ANKRD62: variants seen among roughly 807,000 people sequenced by gnomAD.
The protein encoded by ANKRD62 is ankyrin repeat domain-containing protein 62.
Under a neutral mutation model 98.8 loss-of-function variants are expected in ANKRD62, and 61 were observed. The ratio of observed to expected loss-of-function variants is 0.62; its 90% CI spans 0.50 to 0.76. The LOEUF is 0.76. ANKRD62 is among the 30% of genes least tolerant of loss of function. The pLI is 0.00. For synonymous variants in ANKRD62, 341 were observed against 367.9 expected (o/e 0.93, Z 0.84); for missense variants, 933 against 1,082.9 (o/e 0.86, Z 1.94).
At chr18:12,118,156 C>A (rs185202235) in intron 10 of ANKRD62, among the ~76,000 whole-genome samples, 1 of 152,134 alleles carries the variant, frequency 6.6e-6, no homozygotes. Flanking sequence ...GACATGTATG[C>A]GTGTCATATA....
At chr18:12,173,089 A>G in the ANKRD62 span, among the ~76,000 whole-genome samples, 1 of 151,706 alleles carries the variant, frequency 6.6e-6, no homozygotes, top group South Asian at 2.1e-4. Flanking sequence ...GCTTTGGTTC[A>G]TGCTCCATGG....
At chr18:12,102,056 G>A (rs1909310751) in intron 6 of ANKRD62, 2 of 1,403,620 alleles carry the variant, frequency 1.4e-6, no homozygotes, top group Non-Finnish European at 2.0e-6. Flanking sequence ...AAATAGCAAA[G>A]CCCAGCAAAG....
intron 9 of ANKRD62, 24 bp from the exon 10 acceptor site, chr18:12,115,369 G>T: frequency 6.6e-7 from 1 of 1,512,878 alleles, no homozygotes; most frequent in Non-Finnish European, 8.8e-7. Flanking sequence ...AGGGCATTTT[G>T]AAACAGTGTT....
Position 12,115,553 on chromosome 18 carries a change from T to C in ANKRD62, c.1240+19T>C. ...TGTAAAGGTAGGACCAATGCATAAA[T>C]ATAAGGCTCTTTCCCTATCCTATAG... On this transcript the variant is annotated intron_variant, in intron 10 of 13. Transcript: ENST00000587848. 1 of 1,527,452 alleles carries C rather than the reference T, an allele frequency of 6.5e-7. No homozygotes were observed. The highest frequency in any genetic ancestry group is 8.8e-7 in the Non-Finnish European group (1 of 1,140,748). The allele number at this position is 1,527,452 out of a possible 1,614,324, so 94.6% of individuals were successfully genotyped here. A position where few individuals can be genotyped will look rare whatever the true frequency, so the allele number is the denominator to read the frequency against.
the ANKRD62 span, among the ~76,000 whole-genome samples, chr18:12,139,182 C>T: frequency 1.1e-3 from 168 of 152,220 alleles, no homozygotes; most frequent in African/African-American, 3.5e-3. Context: ...TGGCTGGTAC[C>T]GGTTGTTCCT....
the ANKRD62 span, among the ~76,000 whole-genome samples, chr18:12,167,660 A>G: frequency 6.6e-6 from 1 of 152,168 alleles, no homozygotes; most frequent in African/African-American, 2.4e-5. Flanking sequence ...CAGTAATAGG[A>G]TCACTAGGTC....
intron 11 of ANKRD62, among the ~76,000 whole-genome samples, chr18:12,122,884 G>A (rs1387128691): frequency 6.6e-6 from 1 of 152,074 alleles, no homozygotes; most frequent in African/African-American, 2.4e-5. Flanking sequence ...TTTCAAAATA[G>A]AGCTATCTGG....
chr18:12,122,418 T>C lies in ANKRD62; in HGVS notation c.1356T>C (p.Asn452=), dbSNP rs1479363930. The C allele has an allele frequency of 2.0e-6, 3 of 1,535,472 alleles. No homozygotes were observed. Among genetic ancestry groups the C allele is most frequent in the Admixed American group, 2.0e-5 (1 of 50,972 alleles). Residue 452 remains asparagine (N), a synonymous_variant, in exon 11 of 14, where the codon AAT becomes AAC. Coordinates refer to ENST00000587848, the MANE Select transcript of ANKRD62 (RefSeq NM_001277333.2). ...TAAAATTTCAAAAAATGAAAAATAA[T>C]ATTAGCGTACTACAAAAGGTACTAT... is the stretch of plus-strand genomic sequence containing the variant. ...LKVKFQKMKN[N]ISVLQKVLSE...
At chr18:12,103,854 C>G (rs1006785239) in intron 7 of ANKRD62, among the ~76,000 whole-genome samples, 1 of 152,066 alleles carries the variant, frequency 6.6e-6, no homozygotes, top group Non-Finnish European at 1.5e-5. Flanking sequence ...AATCAACTGT[C>G]ATTTGTGGAC....
chr18:12,113,966 A>G (rs543557355), intron 8 of ANKRD62, among the ~76,000 whole-genome samples: 2 of 152,356 alleles, frequency 1.3e-5, no homozygotes, highest in East Asian at 3.9e-4. Flanking sequence ...GCCATAAAAA[A>G]TGAGATCATG....
the ANKRD62 span, among the ~76,000 whole-genome samples, chr18:12,145,778 A>G: frequency 6.6e-6 from 1 of 151,692 alleles, no homozygotes; most frequent in South Asian, 2.1e-4. Flanking sequence ...AACCTGCGGC[A>G]GAAGTGTTCC....
the ANKRD62 span, among the ~76,000 whole-genome samples, chr18:12,145,447 A>G: frequency 1.3e-5 from 2 of 152,336 alleles, no homozygotes; most frequent in African/African-American, 2.4e-5. Flanking sequence ...AAAATAGTCA[A>G]CGAGGGGCTG....
the ANKRD62 span, among the ~76,000 whole-genome samples, chr18:12,136,962 G>A: frequency 6.6e-6 from 1 of 152,110 alleles, no homozygotes; most frequent in Non-Finnish European, 1.5e-5. Flanking sequence ...AGATGATGGG[G>A]TTTTCTAGAT....
Position 12,125,970 on chromosome 18 carries a change from G to A in ANKRD62, c.2149G>A (p.Glu717Lys), listed in dbSNP as rs1416407429. The A allele has an allele frequency of 6.5e-7, 1 of 1,537,416 alleles. No homozygotes were observed. The highest frequency in any genetic ancestry group is 2.0e-5 in the Admixed American group (1 of 51,010). The stretch of plus-strand genomic sequence containing the variant: ...AGCTGAGAGTACATCCAGTGGCCTG[G>A]AAACTGAGCTCCATTATGAAAGAGA... ...SKAESTSSGL[E>K]TELHYEREAL... The change falls in exon 13 of 14, where the codon GAA (glutamate) becomes AAA (lysine). Residue 717 changes from glutamate to lysine, a missense_variant. By Grantham distance (56) the Glu-to-Lys change is moderately conservative. Transcript: ENST00000587848.
At position 12,128,016 on chromosome 18, in the gene ANKRD62, T is replaced by C; in HGVS notation, c.*77T>C. On this transcript the variant is annotated 3_prime_UTR_variant, in exon 14 of 14. Transcript: ENST00000587848. ...TCTTTTGTATTTTCATTATAATTAA[T>C]TTTATTAAAATTTGATTATCTTTAT... The C allele has an allele frequency of 1.1e-6, 1 of 892,588 alleles. No homozygotes were observed. The highest frequency in any genetic ancestry group is 5.0e-5 in the South Asian group (1 of 19,826). The allele number at this position is 892,588 out of a possible 1,614,324, so 55.3% of individuals were successfully genotyped here. A position where few individuals can be genotyped will look rare whatever the true frequency, so the allele number is the denominator to read the frequency against.
intron 1 of ANKRD62, 53 bp downstream of exon 1, chr18:12,094,288 G>C (rs1032546925): frequency 8.4e-6 from 12 of 1,430,124 alleles, no homozygotes; most frequent in African/African-American, 1.9e-5. Flanking sequence ...AGAAGCCCCT[G>C]TTCCTGGTTT....
Position 12,126,374 on chromosome 18 carries a change from A to G in ANKRD62, c.2553A>G (p.Glu851=), listed in dbSNP as rs1341059985. The stretch of plus-strand genomic sequence containing the variant: ...AATGCCAATATGAAAAAGAGAAAGA[A>G]GAAAGAGAAGTAAGTATCAAGAAAG... ...ERQCQYEKEK[E]EREVVRRQLQ... is the part of the protein sequence containing the mutation. Residue 851 remains glutamate (E), a synonymous_variant, in exon 13 of 14, where the codon GAA becomes GAG. Coordinates refer to ENST00000587848, the MANE Select transcript of ANKRD62 (RefSeq NM_001277333.2). The G allele has an allele frequency of 1.3e-6, 2 of 1,506,778 alleles. No individual in the cohort carries two copies. The highest frequency in any genetic ancestry group is 4.7e-5 in the Admixed American group (2 of 42,386). 93.3% of individuals were successfully genotyped at this position (1,506,778 alleles called of 1,614,324 possible). A position where few individuals can be genotyped will look rare whatever the true frequency, so the allele number is the denominator to read the frequency against.
rs1909158338 is a variant in ANKRD62 at position 12,095,376 on chromosome 18, G to A, written c.334-61G>A. ...TCACCTCATTGAAATGTGACTAGTT[G>A]GTGAATCCTGTGGAAGATTTCCTAG... On this transcript the variant is annotated intron_variant, in intron 2 of 13. Coordinates refer to ENST00000587848, the MANE Select transcript of ANKRD62 (RefSeq NM_001277333.2). 4 of 1,534,014 alleles carry A rather than the reference G, an allele frequency of 2.6e-6. No individual in the cohort carries two copies. In the South Asian group the frequency reaches 4.7e-5, roughly 18 times the overall value.
At chr18:12,158,408 C>T in the ANKRD62 span, among the ~76,000 whole-genome samples, 1 of 152,210 alleles carries the variant, frequency 6.6e-6, no homozygotes, top group Non-Finnish European at 1.5e-5. Flanking sequence ...ACCATCAATG[C>T]TTTTATTATT....
Sources: gnomAD v4.1 joint callset for allele counts (sites outside exome capture counted in the v4.1 genomes callset) on GRCh38, gnomAD v4.1.1 for gene constraint, MANE v1.5 for transcripts, NCBI Gene and HGNC (gene_info 2026-07-23, HGNC 2026-07-21) for gene names.